The following WDR64 variants were observed in gnomAD, a reference collection of about 807,000 sequenced individuals.
WDR64 encodes WD repeat-containing protein 64.
A neutral mutation model predicts 139.3 loss-of-function variants in WDR64; 112 were observed. The ratio of observed to expected loss-of-function variants is 0.80; its 90% CI spans 0.69 to 0.94. The LOEUF is 0.94. Ranked by LOEUF, WDR64 falls within the 40% of genes least tolerant of loss-of-function variation. WDR64 has a pLI of 0.00. For missense variants in WDR64, 1,206 were observed against 1,293.1 expected (o/e 0.93, Z 1.03); for synonymous variants, 444 against 437.7 (o/e 1.01, Z -0.18).
chr1:241,675,102 C>T (rs1450054921), intron 4 of WDR64, among the ~76,000 whole-genome samples: 1 of 127,604 alleles, frequency 7.8e-6, no homozygotes, highest in African/African-American at 3.2e-5. Context: ...TCCTCCCTCC[C>T]TCCTTCCTTC....
chr1:241,676,753 T>C lies in WDR64; in HGVS notation c.484-1434T>C, dbSNP rs555930850. On this transcript the variant is annotated intron_variant, in intron 4 of 27. Coordinates refer to ENST00000437684, the MANE Select transcript of WDR64 (RefSeq NM_001367482.1). The stretch of plus-strand genomic sequence containing the variant: ...TGGCTAAAAAATTAATGGTTTTTTT[T>C]TTTTTTTTTTGTAGAAACAGGGTCT... Among the ~76,000 whole-genome samples the C allele has an allele frequency of 5.9e-5, 9 of 151,670 alleles. No individual in the cohort carries two copies. In the East Asian group the frequency reaches 1.7e-3, roughly 29 times the overall value.
Position 241,769,471 on chromosome 1 carries a change from A to T in WDR64, c.2149A>T (p.Ile717Leu), listed in dbSNP as rs1453728349. 3 of 1,551,412 alleles carry T rather than the reference A, an allele frequency of 1.9e-6. No homozygotes were observed. Among genetic ancestry groups the T allele is most frequent in the South Asian group, 2.4e-5 (2 of 84,074 alleles). The change falls in exon 17 of 28, where the codon ATA becomes TTA. Residue 717 changes from isoleucine (I) to leucine (L), a missense_variant. By Grantham distance (5) the Ile-to-Leu change is conservative. Coordinates refer to ENST00000437684, the MANE Select transcript of WDR64 (RefSeq NM_001367482.1). ...LHPKHFKIND[I>L]LFLFRTPECA... ...TCCCAAGCACTTTAAAATTAATGAC[A>T]TACTGTTCCTCTTTCGTACCCCTGA... is the stretch of plus-strand genomic sequence containing the variant.
intron 1 of WDR64, among the ~76,000 whole-genome samples, chr1:241,655,966 A>G (rs1188780744): frequency 6.6e-6 from 1 of 152,180 alleles, no homozygotes; most frequent in Non-Finnish European, 1.5e-5. Flanking sequence ...TCAGGCTGGC[A>G]CAGGGCCTGG....
chr1:241,782,051 C>T (rs10926576), intron 22 of WDR64, among the ~76,000 whole-genome samples: 1 of 152,114 alleles, frequency 6.6e-6, no homozygotes, highest in African/African-American at 2.4e-5. Flanking sequence ...CTTTGGGAGG[C>T]TGAGGCAGGC....
At chr1:241,657,070 C>T (rs945733729) in intron 1 of WDR64, among the ~76,000 whole-genome samples, 3 of 152,016 alleles carry the variant, frequency 2.0e-5, no homozygotes, top group Admixed American at 2.0e-4. Flanking sequence ...TTACCATCTC[C>T]ACTACTATCT....
intron 9 of WDR64, among the ~76,000 whole-genome samples, chr1:241,712,494 C>T (rs989154719): frequency 6.6e-6 from 1 of 152,130 alleles, no homozygotes; most frequent in African/African-American, 2.4e-5. Context: ...ACTCAGACTC[C>T]TTATTTATAA....
chr1:241,660,762 C>T (rs1665801659), intron 2 of WDR64, 102 bp downstream of exon 2: 5 of 1,292,854 alleles, frequency 3.9e-6, no homozygotes, highest in Admixed American at 2.2e-5. Context: ...GGTTGAACCA[C>T]AACGTGCATG....
At chr1:241,697,201 G>A (rs1667527191) in intron 8 of WDR64, among the ~76,000 whole-genome samples, 1 of 152,112 alleles carries the variant, frequency 6.6e-6, no homozygotes, top group Non-Finnish European at 1.5e-5. Flanking sequence ...ATTTTCTCCA[G>A]TGACTATTCC....
At chr1:241,771,895 T>C (rs937881999) in intron 19 of WDR64, among the ~76,000 whole-genome samples, 198 bp downstream of exon 19, 1 of 144,314 alleles carries the variant, frequency 6.9e-6, no homozygotes, top group Admixed American at 7.1e-5. Context: ...TATACATATA[T>C]ACATACATAC....
chr1:241,708,209 AATT>A (rs1267854129), intron 8 of WDR64, among the ~76,000 whole-genome samples: 2 of 152,212 alleles, frequency 1.3e-5, no homozygotes, highest in Non-Finnish European at 1.5e-5. Context: ...CTTTCCTTTA[AATT>A]ATTATCTCAT....
chr1:241,654,064 G>A (rs150834874), intron 1 of WDR64, among the ~76,000 whole-genome samples: 17 of 152,130 alleles, frequency 1.1e-4, no homozygotes, highest in East Asian at 3.9e-4. Flanking sequence ...AGTTTTCTAC[G>A]TCATAAAAGA....
chr1:241,724,391 G>GA (rs1668722246), intron 10 of WDR64, among the ~76,000 whole-genome samples: 2 of 151,798 alleles, frequency 1.3e-5, no homozygotes, highest in African/African-American at 4.9e-5. Context: ...AAATAAAACA[G>GA]AGCAATAGTC....
chr1:241,791,967 A>G (rs1043255299), intron 25 of WDR64, among the ~76,000 whole-genome samples: 1 of 152,202 alleles, frequency 6.6e-6, no homozygotes, highest in Non-Finnish European at 1.5e-5. Context: ...ACTTCTAGAG[A>G]ACAGATATAA....
intron 10 of WDR64, 122 bp downstream of exon 10, chr1:241,723,558 T>C (rs1668689755): frequency 9.0e-7 from 1 of 1,114,540 alleles, no homozygotes; most frequent in South Asian, 1.8e-5. Context: ...TTGAGAAAAA[T>C]ATTGTCAGTA....
intron 8 of WDR64, among the ~76,000 whole-genome samples, chr1:241,711,593 A>T (rs1278626841): frequency 6.6e-6 from 1 of 152,214 alleles, no homozygotes; most frequent in Non-Finnish European, 1.5e-5. Context: ...CAGGAACAAT[A>T]CAAAGTACTA....
chr1:241,744,988 G>T (rs1313654497), intron 13 of WDR64, among the ~76,000 whole-genome samples: 1 of 152,134 alleles, frequency 6.6e-6, no homozygotes, highest in Non-Finnish European at 1.5e-5. Flanking sequence ...TCTAGCCTTC[G>T]TGAGGGCATG....
chr1:241,772,451 C>CTTTTTTTTTTTTTTTTTTTTTTTT lies in WDR64; in HGVS notation c.2291-335_2291-312dup, dbSNP rs534177884. 3.4e-5 allele frequency among the ~76,000 whole-genome samples: 2 copies of CTTTTTTTTTTTTTTTTTTTTTTTT among 59,020 alleles called. 1 individual carries two copies. Among genetic ancestry groups the CTTTTTTTTTTTTTTTTTTTTTTTT allele is most frequent in the Non-Finnish European group, 6.0e-5 (2 of 33,490 alleles). The allele number at this position is 59,020 out of a possible 152,430, so 38.7% of individuals were successfully genotyped here. On this transcript the variant is annotated intron_variant, in intron 19 of 27. Transcript: ENST00000437684. Reference sequence around the variant, plus strand: ...AGTATTGCAAATTCCAAGATAGATCCTTTTTTTTTTTTTTTTTTTTTTTTT... The same window carrying CTTTTTTTTTTTTTTTTTTTTTTTT: ...AGTATTGCAAATTCCAAGATAGATCCTTTTTTTTTTTTTTTTTTTTTTTTTTTTTTTTTTTTTTTTTTTTTTTTT...
chr1:241,713,087 G>A (rs12097877), intron 9 of WDR64, among the ~76,000 whole-genome samples: 6,038 of 150,914 alleles, frequency 0.04, 402 homozygotes, highest in African/African-American at 0.14. Context: ...CAGGAGGATC[G>A]CTTGAGCCCA....
chr1:241,721,989 G>A (rs1212980847), intron 9 of WDR64, among the ~76,000 whole-genome samples: 9 of 151,604 alleles, frequency 5.9e-5, no homozygotes, highest in Non-Finnish European at 1.3e-4. Context: ...GAGAGGATAT[G>A]GTTTTGGTGA....
Sources: gnomAD v4.1 joint callset for allele counts (sites outside exome capture counted in the v4.1 genomes callset) on GRCh38, gnomAD v4.1.1 for gene constraint, MANE v1.5 for transcripts, NCBI Gene and HGNC (gene_info 2026-07-23, HGNC 2026-07-21) for gene names.